PJA2: variants seen among roughly 807,000 people sequenced by gnomAD.
PJA2 encodes the protein praja ring finger ubiquitin ligase 2, also known as E3 ubiquitin-protein ligase Praja-2.
PJA2 carries 25 observed loss-of-function variants against 69.3 expected under a neutral mutation model. That is an observed-to-expected ratio of 0.36 (90% CI 0.26 to 0.50). The LOEUF (loss-of-function observed/expected upper bound fraction) is 0.50. PJA2 is among the 20% of genes least tolerant of loss of function. The pLI, the probability that PJA2 is intolerant of heterozygous loss-of-function variation, is 0.96. For synonymous variants in PJA2, 308 were observed against 277.8 expected (o/e 1.11, Z -1.08); for missense variants, 809 against 830.2 (o/e 0.97, Z 0.31).
intron 1 of PJA2, among the ~76,000 whole-genome samples, chr5:109,407,711 CAG>C (rs761732350): frequency 5.9e-5 from 9 of 151,670 alleles, no homozygotes; most frequent in Non-Finnish European, 1.2e-4. Flanking sequence ...CCAGAGAAAA[CAG>C]AGAGAGAGAA....
intron 1 of PJA2, among the ~76,000 whole-genome samples, chr5:109,389,651 T>C (rs1747237498): frequency 6.6e-6 from 1 of 152,046 alleles, no homozygotes; most frequent in Admixed American, 6.6e-5. Flanking sequence ...TTCTACTTCC[T>C]TGGGTTTAAT....
intron 5 of PJA2, among the ~76,000 whole-genome samples, 192 bp from the exon 6 acceptor site, chr5:109,363,214 T>G (rs1300019238): frequency 6.6e-6 from 1 of 152,252 alleles, no homozygotes; most frequent in Non-Finnish European, 1.5e-5. Flanking sequence ...TAGGGTCATA[T>G]GTATACAGAA....
chr5:109,396,373 A>G (rs1195734728), intron 1 of PJA2, among the ~76,000 whole-genome samples: 3 of 148,396 alleles, frequency 2.0e-5, no homozygotes. Context: ...TGTCAGCATC[A>G]TTTTCTTCTT....
chr5:109,362,751 T>C (rs1421207095), intron 6 of PJA2, 89 bp downstream of exon 6: 1 of 1,266,528 alleles, frequency 7.9e-7, no homozygotes, highest in African/African-American at 1.5e-5. Flanking sequence ...AATTATAATA[T>C]TTCTCAGCTA....
intron 1 of PJA2, among the ~76,000 whole-genome samples, chr5:109,402,495 A>G (rs1747577587): frequency 6.6e-6 from 1 of 152,152 alleles, no homozygotes. Flanking sequence ...TAACAATCCT[A>G]AATTTACATG....
rs759309745 is a variant in PJA2, at chr5:109,344,715, T to C, written c.1869A>G (p.Glu623=). The change falls in exon 8 of 10, where the codon GAA becomes GAG. Residue 623 remains glutamate, a synonymous_variant. Coordinates refer to ENST00000361189, the MANE Select transcript of PJA2 (RefSeq NM_014819.5). ...IDGLPETLVL[E]DHTAIGQEQC... ...CAACTTTGCCCTTACCAGTGTGATCTTCAAGAACAAGGGTCTCTGGAAGAC... is the reference window on the plus strand; with the variant it reads ...CAACTTTGCCCTTACCAGTGTGATCCTCAAGAACAAGGGTCTCTGGAAGAC... 6.2e-7 allele frequency: 1 copy of C among 1,612,310 alleles called. No individual in the cohort carries two copies. Among genetic ancestry groups the C allele is most frequent in the Non-Finnish European group, 8.5e-7 (1 of 1,178,782 alleles).
At position 109,344,295 on chromosome 5, in the gene PJA2, T is replaced by C. The variant is rs1488493675; in HGVS notation, c.1896A>G (p.Gln632=). 3.1e-6 allele frequency: 5 copies of C among 1,600,152 alleles called. No homozygotes were observed. In the African/African-American group the frequency reaches 4.0e-5, roughly 13 times the overall value. ...LEDHTAIGQE[Q]CCPICCSEYI... is the part of the protein sequence containing the mutation. Reference sequence around the variant, plus strand: ...ACTCACTGCAACAGATTGGACAGCATTGTTCCTGACCAATAGCTGAAAACA... The same window carrying C: ...ACTCACTGCAACAGATTGGACAGCACTGTTCCTGACCAATAGCTGAAAACA... Residue 632 remains glutamine, a synonymous_variant, in exon 9 of 10, where the codon CAA becomes CAG. Transcript: ENST00000361189.
intron 5 of PJA2, among the ~76,000 whole-genome samples, chr5:109,366,697 T>C (rs989969963): frequency 6.6e-6 from 1 of 152,204 alleles, no homozygotes; most frequent in Non-Finnish European, 1.5e-5. Flanking sequence ...TTTACTGATA[T>C]AACGCCAATA....
rs558616800 is a variant in PJA2, at chr5:109,401,079, G to A, written c.-88+8763C>T. On this transcript the variant is annotated intron_variant, in intron 1 of 9. Transcript: ENST00000361189. ...GGCCAAGGAGGGCAGACCACTTGAGGCCAGGAGTTTGAGACTAGCATGGCC... is the reference window on the plus strand; with the variant it reads ...GGCCAAGGAGGGCAGACCACTTGAGACCAGGAGTTTGAGACTAGCATGGCC... 3.3e-5 allele frequency among the ~76,000 whole-genome samples: 5 copies of A among 152,284 alleles called. No individual in the cohort carries two copies. In the South Asian group the frequency reaches 1.0e-3, roughly 32 times the overall value.
chr5:109,344,651 T>C (rs758174453), intron 8 of PJA2, 54 bp downstream of exon 8: 80 of 1,186,442 alleles, frequency 6.7e-5, no homozygotes, highest in Non-Finnish European at 8.9e-5. Flanking sequence ...ATATTGATAA[T>C]ATACTTAAAT....
In PJA2 at chr5:109,357,557, G is replaced by C. The variant is rs186723777; in HGVS notation, c.1653-1531C>G. On this transcript the variant is annotated intron_variant, in intron 6 of 9. Transcript: ENST00000361189. ...CTAGCAGTAAGATGTAGTACAAAGA[G>C]AAAGAGCCTGTAACTGACTCTTCCT... Among the ~76,000 whole-genome samples, 516 of 152,250 alleles carry C rather than the reference G, an allele frequency of 3.4e-3. 1 individual carries two copies. The highest frequency in any genetic ancestry group is 0.02 in the Middle Eastern group (6 of 294).
rs747933906 is a variant in PJA2 at position 109,378,759 on chromosome 5, G to A, written c.728C>T (p.Ala243Val). The change falls in exon 4 of 10, where the codon GCT becomes GTT. Residue 243 changes from alanine to valine, a missense_variant. This residue lies in a region of PJA2 where 700 missense variants were observed against 639.5 expected (regional missense o/e 1.09). Coordinates refer to ENST00000361189, the MANE Select transcript of PJA2 (RefSeq NM_014819.5). ...CTGATGGACAAACTCAGTATCACCA[G>A]CAGAACTTTTCACTAATGGTACAGA... ...LDSVPLVKSS[A>V]GDTEFVHQNS... is the part of the protein sequence containing the mutation. 5 of 1,612,154 alleles carry A rather than the reference G, an allele frequency of 3.1e-6. No individual in the cohort carries two copies. In the East Asian group the frequency reaches 1.1e-4, roughly 36 times the overall value.
At chr5:109,345,447 G>A (rs187949293) in intron 7 of PJA2, among the ~76,000 whole-genome samples, 1 of 145,376 alleles carries the variant, frequency 6.9e-6, no homozygotes, top group Admixed American at 7.2e-5. Flanking sequence ...ATCCTGGGAG[G>A]CAGAGGTTGC....
chr5:109,354,344 A>G lies in PJA2; in HGVS notation c.1764+1571T>C, dbSNP rs1234945202. On this transcript the variant is annotated intron_variant, in intron 7 of 9. Transcript: ENST00000361189. ...ATATCTATGATATCTAGAGATATCT[A>G]TAGATTGGATATCTATATCTAGAGA... is the stretch of plus-strand genomic sequence containing the variant. Among the ~76,000 whole-genome samples the G allele has an allele frequency of 9.0e-5, 13 of 143,808 alleles. 1 individual carries two copies. Among genetic ancestry groups the G allele is most frequent in the African/African-American group, 3.5e-4 (13 of 37,266 alleles). The allele number at this position is 143,808 out of a possible 152,430, so 94.3% of individuals were successfully genotyped here. A position where few individuals can be genotyped will look rare whatever the true frequency, so the allele number is the denominator to read the frequency against.
rs766011255 is a variant in PJA2 at position 109,378,846 on chromosome 5, C to T, written c.641G>A (p.Gly214Asp). ...AAATGAGGGAACTGGTGGTGAAAGA[C>T]CAGTGTATGCCTCTGCCTCTCTGTT... Reference protein sequence around the residue: ...LENREAEAYTGLSPPVPSFNC... With the variant: ...LENREAEAYTDLSPPVPSFNC... The change falls in exon 4 of 10, where the codon GGT becomes GAT. Residue 214 changes from glycine (G) to aspartate (D), a missense_variant. Gly to Asp is a moderately conservative substitution (Grantham distance 94, BLOSUM62 -1). Coordinates refer to ENST00000361189, the MANE Select transcript of PJA2 (RefSeq NM_014819.5). 1 of 1,613,938 alleles carries T rather than the reference C, an allele frequency of 6.2e-7. No individual in the cohort carries two copies. The highest frequency in any genetic ancestry group is 1.1e-5 in the South Asian group (1 of 91,078).
At position 109,337,190 on chromosome 5, in the gene PJA2, G is replaced by T. The variant is rs745696207; in HGVS notation, c.*41C>A. Reference sequence around the variant, plus strand: ...ACATGAAATTTAGAAGGAATTTGCAGATTTACTTTGATACACTGATCTCAT... The same window carrying T: ...ACATGAAATTTAGAAGGAATTTGCATATTTACTTTGATACACTGATCTCAT... On this transcript the variant is annotated 3_prime_UTR_variant, in exon 10 of 10. Coordinates refer to ENST00000361189, the MANE Select transcript of PJA2 (RefSeq NM_014819.5). 2 of 1,575,522 alleles carry T rather than the reference G, an allele frequency of 1.3e-6. No individual in the cohort carries two copies. Among genetic ancestry groups the T allele is most frequent in the Non-Finnish European group, 8.6e-7 (1 of 1,162,864 alleles).
intron 9 of PJA2, among the ~76,000 whole-genome samples, chr5:109,342,628 AG>A (rs1198899211): frequency 6.1e-5 from 6 of 98,334 alleles, no homozygotes; most frequent in Non-Finnish European, 1.2e-4. Flanking sequence ...CTGCCCGGCC[AG>A]CCGCCCCGTC....
chr5:109,356,020 A>G lies in PJA2; in HGVS notation c.1659T>C (p.Phe553=), dbSNP rs917928435. 2.5e-6 allele frequency: 4 copies of G among 1,602,268 alleles called. No individual in the cohort carries two copies. Among genetic ancestry groups the G allele is most frequent in the Admixed American group, 1.7e-5 (1 of 58,512 alleles). ...CTCCTAGTCCATCTGCAAAGCCATC[A>G]AATAGGCTGAAAAAAAAAAAAAATA... ...SEDLDVDWSL[F]DGFADGLGVA... The change falls in exon 7 of 10, where the codon TTT becomes TTC. Residue 553 remains phenylalanine, a synonymous_variant. Coordinates refer to ENST00000361189, the MANE Select transcript of PJA2 (RefSeq NM_014819.5).
At chr5:109,382,968 T>C (rs1007548026) in intron 2 of PJA2, among the ~76,000 whole-genome samples, 9 of 152,192 alleles carry the variant, frequency 5.9e-5, no homozygotes, top group Admixed American at 2.6e-4. Flanking sequence ...GTATTTATAA[T>C]ACACGCACAT....
Sources: allele counts gnomAD v4.1 joint callset (sites outside exome capture counted in the v4.1 genomes callset), GRCh38; gene constraint gnomAD v4.1.1; regional missense constraint gnomAD v4.1.1; transcripts MANE v1.5; gene names NCBI Gene and HGNC (gene_info 2026-07-23, HGNC 2026-07-21).